KLHL29: variants seen among roughly 807,000 people sequenced by gnomAD.
The protein encoded by KLHL29 is kelch like family member 29.
KLHL29 carries 21 observed loss-of-function variants against 80.4 expected under a neutral mutation model. The ratio of observed to expected loss-of-function variants is 0.26; its 90% CI spans 0.19 to 0.38. KLHL29 has a LOEUF of 0.38. Ranked by LOEUF, KLHL29 falls within the 10% of genes least tolerant of loss-of-function variation. The pLI, the probability that KLHL29 is intolerant of heterozygous loss-of-function variation, is 1.00. For synonymous variants in KLHL29, 511 were observed against 526.8 expected, an observed-to-expected ratio of 0.97 and a Z score of 0.41; for missense variants, 867 against 1,223.9, an observed-to-expected ratio of 0.71 and a Z score of 4.35.
At chr2:23,488,598 A>G (rs959324924) in intron 2 of KLHL29, among the ~76,000 whole-genome samples, 1 of 152,252 alleles carries the variant, frequency 6.6e-6, no homozygotes, top group Non-Finnish European at 1.5e-5. Context: ...TATTTTCTCT[A>G]TTCTACTTGT....
At chr2:23,389,894 G>T (rs1248980088) in intron 1 of KLHL29, among the ~76,000 whole-genome samples, 1 of 152,114 alleles carries the variant, frequency 6.6e-6, no homozygotes, top group Non-Finnish European at 1.5e-5. Flanking sequence ...AAAAAATTAG[G>T]TAGCATAATT....
chr2:23,394,248 C>G (rs116249128), intron 1 of KLHL29, among the ~76,000 whole-genome samples: 1 of 152,338 alleles, frequency 6.6e-6, no homozygotes, highest in African/African-American at 2.4e-5. Flanking sequence ...CTTTAAGCAT[C>G]TGCTTCTGGA....
chr2:23,420,044 A>C (rs1662744762), intron 1 of KLHL29, among the ~76,000 whole-genome samples: 1 of 152,118 alleles, frequency 6.6e-6, no homozygotes, highest in Admixed American at 6.5e-5. Flanking sequence ...TGGTTTCCCC[A>C]CACACGGAGA....
chr2:23,398,866 A>G (rs1666518091), intron 1 of KLHL29, among the ~76,000 whole-genome samples: 1 of 141,708 alleles, frequency 7.1e-6, no homozygotes, highest in African/African-American at 2.5e-5. Flanking sequence ...ACAGGGAGAA[A>G]TTTGATGATG....
At chr2:23,670,831 CT>C (rs1267592373) in intron 5 of KLHL29, among the ~76,000 whole-genome samples, 1 of 151,382 alleles carries the variant, frequency 6.6e-6, no homozygotes, top group Admixed American at 6.6e-5. Flanking sequence ...AGGGGCAGAC[CT>C]GGTTCTTCCA....
At chr2:23,459,653 C>T (rs1312959650) in intron 1 of KLHL29, among the ~76,000 whole-genome samples, 1 of 152,194 alleles carries the variant, frequency 6.6e-6, no homozygotes, top group Non-Finnish European at 1.5e-5. Flanking sequence ...TGAGACTGGC[C>T]ACGGATGCCC....
intron 2 of KLHL29, chr2:23,524,352 A>G (rs1036730029): frequency 1.5e-5 from 3 of 196,122 alleles, no homozygotes; most frequent in Non-Finnish European, 3.3e-5. Context: ...AGACCCAGGA[A>G]GTAGCAGGCC....
chr2:23,695,715 A>T lies in KLHL29; in HGVS notation c.1635A>T (p.Ser545=). 6.4e-7 allele frequency: 1 copy of T among 1,551,624 alleles called. No individual in the cohort carries two copies. The highest frequency in any genetic ancestry group is 1.2e-5 in the South Asian group (1 of 84,058). The change falls in exon 9 of 14, where the codon TCA becomes TCT. Residue 545 remains serine (S), a synonymous_variant. Transcript: ENST00000486442. The surrounding 1 kb of genome is among the most constrained non-coding windows in gnomAD (Gnocchi z 7.6). Reference sequence around the variant, plus strand: ...TTGACAATGAAGAGCTGATCAAGTCATCAGAAGCCTGCCGGGACCTGGTGA... The same window carrying T: ...TTGACAATGAAGAGCTGATCAAGTCTTCAGAAGCCTGCCGGGACCTGGTGA... ...NVVDNEELIK[S]SEACRDLVNE...
intron 1 of KLHL29, among the ~76,000 whole-genome samples, chr2:23,426,066 G>C (rs1056933846): frequency 3.9e-5 from 6 of 152,160 alleles, no homozygotes; most frequent in Non-Finnish European, 7.4e-5. Context: ...TGCCTGGGGA[G>C]TGCCTTTGAG....
chr2:23,584,592 C>G (rs1438353924), intron 3 of KLHL29, among the ~76,000 whole-genome samples: 2 of 152,214 alleles, frequency 1.3e-5, no homozygotes, highest in Non-Finnish European at 2.9e-5. Flanking sequence ...TAATCCCAAA[C>G]TGGCAGTGCT....
chr2:23,633,905 G>C (rs928134204), intron 3 of KLHL29, among the ~76,000 whole-genome samples: 12 of 152,010 alleles, frequency 7.9e-5, no homozygotes, highest in Admixed American at 2.6e-4. Context: ...GTGTTCCCTG[G>C]TCTGGTCTCC....
intron 1 of KLHL29, among the ~76,000 whole-genome samples, chr2:23,410,514 G>C (rs1666837474): frequency 6.6e-6 from 1 of 152,168 alleles, no homozygotes; most frequent in African/African-American, 2.4e-5. Flanking sequence ...AGTGGTGGCA[G>C]ATAGGCAGTT....
At position 23,589,748 on chromosome 2, in the gene KLHL29, T is replaced by C. The variant is rs78002360; in HGVS notation, c.285+27267T>C. On this transcript the variant is annotated intron_variant, in intron 3 of 13. Transcript: ENST00000486442. ...TCCAACTCAGCAGCCATCTGGATGTTACATGGTCCAGAAGCTAAATCCAGC... is the reference window on the plus strand; with the variant it reads ...TCCAACTCAGCAGCCATCTGGATGTCACATGGTCCAGAAGCTAAATCCAGC... 5.1e-3 allele frequency among the ~76,000 whole-genome samples: 777 copies of C among 152,304 alleles called. 9 individuals carry two copies. Among genetic ancestry groups the C allele is most frequent in the African/African-American group, 0.018 (759 of 41,564 alleles).
intron 2 of KLHL29, among the ~76,000 whole-genome samples, chr2:23,532,985 C>T (rs953160322): frequency 2.0e-5 from 3 of 152,134 alleles, no homozygotes; most frequent in Non-Finnish European, 4.4e-5. Flanking sequence ...CCCTCTACGT[C>T]TCTGCAACTC....
At chr2:23,398,810 G>T (rs1347929806) in intron 1 of KLHL29, among the ~76,000 whole-genome samples, 1 of 152,172 alleles carries the variant, frequency 6.6e-6, no homozygotes, top group African/African-American at 2.4e-5. Flanking sequence ...TATGTGTCAG[G>T]GTGGTGACTT....
At chr2:23,660,155 C>T (rs986250900) in intron 5 of KLHL29, among the ~76,000 whole-genome samples, 1 of 152,194 alleles carries the variant, frequency 6.6e-6, no homozygotes, top group African/African-American at 2.4e-5. Context: ...CTGTGACTCA[C>T]TCTTCTCTCC....
In KLHL29 at chr2:23,642,585, C is replaced by G. The variant is rs1669800686; in HGVS notation, c.675C>G (p.Ala225=). ...TGGTGGTCAACATGCCTGCCCAGGC[C>G]CTGTATGCCAGCCCTCAGCCCCTGG... ...SSVVVNMPAQ[A]LYASPQPLAV... The change falls in exon 5 of 14, where the codon GCC becomes GCG. Residue 225 remains alanine, a synonymous_variant. Coordinates refer to ENST00000486442, the MANE Select transcript of KLHL29 (RefSeq NM_052920.2). The G allele has an allele frequency of 6.5e-7, 1 of 1,550,038 alleles. No homozygotes were observed. Among genetic ancestry groups the G allele is most frequent in the Non-Finnish European group, 8.7e-7 (1 of 1,146,556 alleles).
chr2:23,654,276 G>C (rs1670171466), intron 5 of KLHL29, among the ~76,000 whole-genome samples: 1 of 152,114 alleles, frequency 6.6e-6, no homozygotes, highest in African/African-American at 2.4e-5. Context: ...TCGAGAGCCA[G>C]AACCTGGCCC....
intron 1 of KLHL29, among the ~76,000 whole-genome samples, chr2:23,391,884 TC>T (rs1666330259): frequency 6.6e-6 from 1 of 152,240 alleles, no homozygotes; most frequent in African/African-American, 2.4e-5. Flanking sequence ...ATGCATTTCC[TC>T]CCGAGTGTCT....
Sources: gnomAD v4.1 joint callset for allele counts (sites outside exome capture counted in the v4.1 genomes callset) on GRCh38, gnomAD v4.1.1 for gene constraint, Gnocchi (gnomAD v3.1) non-coding constraint, MANE v1.5 for transcripts, NCBI Gene and HGNC (gene_info 2026-07-23, HGNC 2026-07-21) for gene names.